GRB14: variants seen among roughly 807,000 people sequenced by gnomAD.
GRB14 encodes the protein growth factor receptor-bound protein 14.
A neutral mutation model predicts 69.1 loss-of-function variants in GRB14; 38 were observed. The ratio of observed to expected loss-of-function variants is 0.55; its 90% CI spans 0.42 to 0.72. GRB14 has a LOEUF of 0.72. Ranked by LOEUF, GRB14 falls within the 30% of genes least tolerant of loss-of-function variation. The pLI, the probability that GRB14 is intolerant of heterozygous loss-of-function variation, is 0.00. For missense variants in GRB14, 666 were observed against 666.1 expected, an observed-to-expected ratio of 1.00 and a Z score of 0.00; for synonymous variants, 247 against 241.3, an observed-to-expected ratio of 1.02 and a Z score of -0.22.
intron 2 of GRB14, among the ~76,000 whole-genome samples, chr2:164,599,508 C>T (rs1056259855): frequency 1.3e-5 from 2 of 152,120 alleles, no homozygotes; most frequent in African/African-American, 2.4e-5. Context: ...AAGGAACAGT[C>T]GCTACCTTCA....
intron 3 of GRB14, among the ~76,000 whole-genome samples, chr2:164,540,530 A>AC (rs909244141): frequency 1.3e-5 from 2 of 152,180 alleles, no homozygotes; most frequent in Non-Finnish European, 2.9e-5. Flanking sequence ...AATCACTTGA[A>AC]CCTGGGGGGT....
At chr2:164,542,143 G>C (rs748522502) in intron 3 of GRB14, among the ~76,000 whole-genome samples, 2 of 152,154 alleles carry the variant, frequency 1.3e-5, no homozygotes, top group Non-Finnish European at 1.5e-5. Flanking sequence ...AGCCATCTGA[G>C]CTTTGACAAA....
intron 6 of GRB14, among the ~76,000 whole-genome samples, chr2:164,515,870 TA>T (rs1265976707): frequency 6.9e-6 from 1 of 145,484 alleles, no homozygotes; most frequent in Non-Finnish European, 1.5e-5. Flanking sequence ...ATAGCATGAA[TA>T]AAAAACAATT....
intron 2 of GRB14, among the ~76,000 whole-genome samples, chr2:164,588,413 A>G (rs535577591): frequency 2.0e-5 from 3 of 152,328 alleles, no homozygotes; most frequent in African/African-American, 7.2e-5. Context: ...TCAACGGACC[A>G]TCTGGTAGGC....
chr2:164,514,638 A>G (rs1687431866), intron 6 of GRB14, among the ~76,000 whole-genome samples: 1 of 152,112 alleles, frequency 6.6e-6, no homozygotes, highest in Non-Finnish European at 1.5e-5. Flanking sequence ...CACAGAGAGA[A>G]GGAAAATTCC....
At chr2:164,553,207 A>C (rs192460493) in intron 2 of GRB14, among the ~76,000 whole-genome samples, 2 of 151,996 alleles carry the variant, frequency 1.3e-5, no homozygotes, top group African/African-American at 2.4e-5. Flanking sequence ...ATTTTTTTTA[A>C]AAAAGGGCTA....
At chr2:164,608,312 T>C (rs992846789) in intron 2 of GRB14, among the ~76,000 whole-genome samples, 5 of 151,454 alleles carry the variant, frequency 3.3e-5, no homozygotes, top group Non-Finnish European at 5.9e-5. Context: ...GTGGAGGTCG[T>C]AGTGAGCTGA....
intron 7 of GRB14, 93 bp downstream of exon 7, chr2:164,508,649 G>T (rs1687255820): frequency 2.1e-6 from 3 of 1,419,412 alleles, no homozygotes; most frequent in Admixed American, 2.0e-5. Flanking sequence ...ATAAGAGAAA[G>T]CTGTCTCTTT....
At chr2:164,586,164 G>A (rs1689533983) in intron 2 of GRB14, among the ~76,000 whole-genome samples, 1 of 152,166 alleles carries the variant, frequency 6.6e-6, no homozygotes, top group Non-Finnish European at 1.5e-5. Context: ...GGTATAAATG[G>A]GAGGAAGTGA....
chr2:164,581,375 A>C (rs563428724), intron 2 of GRB14, among the ~76,000 whole-genome samples: 4 of 152,192 alleles, frequency 2.6e-5, no homozygotes, highest in Non-Finnish European at 5.9e-5. Context: ...CAACGTAGTC[A>C]CAAGGGTCCT....
chr2:164,541,363 T>C (rs1688235009), intron 3 of GRB14, among the ~76,000 whole-genome samples: 2 of 151,806 alleles, frequency 1.3e-5, no homozygotes, highest in African/African-American at 4.8e-5. Flanking sequence ...TCTCAGCTAC[T>C]TGGGAGGCTG....
At chr2:164,559,632 A>T (rs1688769945) in intron 2 of GRB14, among the ~76,000 whole-genome samples, 3 of 152,072 alleles carry the variant, frequency 2.0e-5, no homozygotes, top group Admixed American at 2.0e-4. Context: ...ATTCCTCTTT[A>T]TGGCTGAGTA....
At chr2:164,544,888 T>C (rs1416149089) in intron 3 of GRB14, among the ~76,000 whole-genome samples, 3 of 152,218 alleles carry the variant, frequency 2.0e-5, no homozygotes, top group East Asian at 3.9e-4. Flanking sequence ...AGGGAATGCA[T>C]GTAGTGTTCA....
chr2:164,587,684 G>A (rs1456803121), intron 2 of GRB14, among the ~76,000 whole-genome samples: 1 of 152,118 alleles, frequency 6.6e-6, no homozygotes, highest in Admixed American at 6.6e-5. Flanking sequence ...AGAATTTAAG[G>A]CAAAGATCTT....
chr2:164,590,441 G>A (rs945858128), intron 2 of GRB14, among the ~76,000 whole-genome samples: 10 of 152,138 alleles, frequency 6.6e-5, no homozygotes, highest in South Asian at 2.1e-4. Context: ...AGTGAGTACC[G>A]TGAATGAGAA....
At chr2:164,511,531 G>A (rs1687338183) in intron 6 of GRB14, among the ~76,000 whole-genome samples, 1 of 152,166 alleles carries the variant, frequency 6.6e-6, no homozygotes, top group South Asian at 2.1e-4. Flanking sequence ...CTGCCTTGAA[G>A]GGAAAAACCT....
At chr2:164,602,121 T>C (rs1398552712) in intron 2 of GRB14, among the ~76,000 whole-genome samples, 1 of 144,276 alleles carries the variant, frequency 6.9e-6, no homozygotes, top group East Asian at 2.0e-4. Context: ...TCTCCAAATG[T>C]ATTTTTAAAT....
chr2:164,594,381 T>C (rs1008833024), intron 2 of GRB14, among the ~76,000 whole-genome samples: 3 of 152,202 alleles, frequency 2.0e-5, no homozygotes, highest in African/African-American at 7.2e-5. Context: ...TCATATTTAA[T>C]CTTCATGATA....
At chr2:164,576,825 GAA>G (rs34654739) in intron 2 of GRB14, among the ~76,000 whole-genome samples, 17 of 149,660 alleles carry the variant, frequency 1.1e-4, no homozygotes, top group African/African-American at 2.5e-4. Flanking sequence ...ATTAAAACTT[GAA>G]AAAAAAAGGT....
Sources: allele counts gnomAD v4.1 joint callset (sites outside exome capture counted in the v4.1 genomes callset), GRCh38; gene constraint gnomAD v4.1.1; transcripts MANE v1.5; gene names NCBI Gene and HGNC (gene_info 2026-07-23, HGNC 2026-07-21).